LAMA2: variants seen among roughly 807,000 people sequenced by gnomAD.
LAMA2 encodes the protein laminin subunit alpha-2.
LAMA2 carries 269 observed loss-of-function variants against 364.8 expected under a neutral mutation model. The ratio of observed to expected loss-of-function variants is 0.74; its 90% confidence interval spans 0.67 to 0.82. The LOEUF (loss-of-function observed/expected upper bound fraction) is 0.82. Ranked by LOEUF, LAMA2 falls within the 40% of genes least tolerant of loss-of-function variation. The probability of loss-of-function intolerance (pLI) is 0.00; values close to 1 mark genes in which losing one functional copy is unlikely to be tolerated. For missense variants in LAMA2, 3,807 were observed against 3,873.2 expected, an observed-to-expected ratio of 0.98 and a Z score of 0.45; for synonymous variants, 1,379 against 1,370.6, an observed-to-expected ratio of 1.01 and a Z score of -0.14.
At chr6:129,278,445 T>C (rs905590455) in intron 17 of LAMA2, among the ~76,000 whole-genome samples, 1 of 152,176 alleles carries the variant, frequency 6.6e-6, no homozygotes, top group African/African-American at 2.4e-5. Context: ...AGAGATGCAG[T>C]TCTCACTTTT....
At chr6:129,012,483 A>G (rs1181244204) in intron 1 of LAMA2, among the ~76,000 whole-genome samples, 2 of 152,222 alleles carry the variant, frequency 1.3e-5, no homozygotes, top group Non-Finnish European at 2.9e-5. Flanking sequence ...TGGATAAAGT[A>G]TACATTTATT....
In LAMA2 at chr6:129,516,456, A is replaced by G. The variant is rs1056578429; in HGVS notation, c.*109A>G. 1 of 1,136,166 alleles carries G rather than the reference A, an allele frequency of 8.8e-7. No homozygotes were observed. Among genetic ancestry groups the G allele is most frequent in the Non-Finnish European group, 1.3e-6 (1 of 771,530 alleles). The allele number at this position is 1,136,166 out of a possible 1,614,324, so 70.4% of individuals were successfully genotyped here. A position where few individuals can be genotyped will look rare whatever the true frequency, so the allele number is the denominator to read the frequency against. On this transcript the variant is annotated 3_prime_UTR_variant, in exon 65 of 65. Coordinates refer to ENST00000421865, the MANE Select transcript of LAMA2 (RefSeq NM_000426.4). The stretch of plus-strand genomic sequence containing the variant: ...TAATTAAACTAATTTGTGCATGTAC[A>G]TAGAATTCTTTCTGTATTCAGATGG...
intron 4 of LAMA2, among the ~76,000 whole-genome samples, chr6:129,138,360 C>G (rs569505153): frequency 6.6e-6 from 1 of 151,772 alleles, no homozygotes; most frequent in Non-Finnish European, 1.5e-5. Flanking sequence ...GAGAAAATAA[C>G]AAAATATGAA....
chr6:128,890,437 A>G (rs909307196), intron 1 of LAMA2, among the ~76,000 whole-genome samples: 18 of 152,094 alleles, frequency 1.2e-4, no homozygotes. Flanking sequence ...GGAAAAAAAA[A>G]TCCATTTCTA....
intron 15 of LAMA2, among the ~76,000 whole-genome samples, chr6:129,263,905 AT>A (rs202195205): frequency 1.6e-4 from 24 of 150,540 alleles, no homozygotes; most frequent in Admixed American, 3.3e-4. Flanking sequence ...ATGCCCAGCT[AT>A]TTTTTTTTGT....
intron 32 of LAMA2, among the ~76,000 whole-genome samples, chr6:129,365,037 AT>A (rs1396765028): frequency 2.0e-5 from 3 of 152,224 alleles, no homozygotes; most frequent in African/African-American, 4.8e-5. Flanking sequence ...CACTCCAGTG[AT>A]TCAATACCTC....
At chr6:128,901,467 A>G (rs1777073939) in intron 1 of LAMA2, among the ~76,000 whole-genome samples, 2 of 152,196 alleles carry the variant, frequency 1.3e-5, no homozygotes, top group Non-Finnish European at 2.9e-5. Flanking sequence ...CTATAGAGGT[A>G]TATACTACCT....
At chr6:129,298,296 T>C (rs1773334253) in intron 21 of LAMA2, among the ~76,000 whole-genome samples, 2 of 152,136 alleles carry the variant, frequency 1.3e-5, no homozygotes, top group South Asian at 2.1e-4. Context: ...GTTTTTTTTT[T>C]CCTGGTACCC....
chr6:129,244,727 G>GA lies in LAMA2; in HGVS notation c.1783-5376dup, dbSNP rs368357906. On this transcript the variant is annotated intron_variant, in intron 12 of 64. Transcript: ENST00000421865. ...ATTCATATTTCTTGAGATTGAGAGGGAAAAAAAAAGAGGCCAGACCACAAG... is the reference window on the plus strand; with the variant it reads ...ATTCATATTTCTTGAGATTGAGAGGGAAAAAAAAAAGAGGCCAGACCACAAG... Among the ~76,000 whole-genome samples the GA allele has an allele frequency of 1.7e-4, 26 of 149,820 alleles. No individual in the cohort carries two copies. The East Asian group carries it at 2.5e-3, about 15-fold the overall frequency.
At chr6:129,127,850 T>C (rs537743222) in intron 4 of LAMA2, among the ~76,000 whole-genome samples, 93 of 152,242 alleles carry the variant, frequency 6.1e-4, no homozygotes, top group African/African-American at 2.2e-3. Flanking sequence ...ATTTTTAATT[T>C]TTTTTTCTTC....
At chr6:129,287,493 T>A (rs867377341) in intron 18 of LAMA2, among the ~76,000 whole-genome samples, 1 of 152,088 alleles carries the variant, frequency 6.6e-6, no homozygotes, top group East Asian at 1.9e-4. Flanking sequence ...AAATAACCAA[T>A]TGGAGTAGAG....
At chr6:129,197,777 C>A (rs1387699293) in intron 12 of LAMA2, among the ~76,000 whole-genome samples, 1 of 152,108 alleles carries the variant, frequency 6.6e-6, no homozygotes, top group Non-Finnish European at 1.5e-5. Context: ...ATCAAGGACT[C>A]ATTTATTTCC....
At chr6:128,899,822 T>C (rs980896077) in intron 1 of LAMA2, among the ~76,000 whole-genome samples, 12 of 152,162 alleles carry the variant, frequency 7.9e-5, no homozygotes, top group Non-Finnish European at 1.3e-4. Flanking sequence ...TTGAGCAGTA[T>C]TTAAGCTTTG....
intron 22 of LAMA2, among the ~76,000 whole-genome samples, chr6:129,307,956 T>A (rs1773983423): frequency 6.6e-6 from 1 of 152,234 alleles, no homozygotes; most frequent in Non-Finnish European, 1.5e-5. Context: ...TGTAAACTTT[T>A]TTTCCTGCTG....
chr6:129,149,716 C>G (rs1778682594), intron 7 of LAMA2, among the ~76,000 whole-genome samples: 1 of 152,098 alleles, frequency 6.6e-6, no homozygotes. Context: ...TTTCTCCATC[C>G]ATGGGTCTAA....
chr6:128,989,794 T>C (rs1783494593), intron 1 of LAMA2, among the ~76,000 whole-genome samples: 1 of 152,208 alleles, frequency 6.6e-6, no homozygotes, highest in South Asian at 2.1e-4. Context: ...AAAGATAATT[T>C]ATTTCTCACA....
chr6:129,512,285 A>AAAG, intron 62 of LAMA2, 78 bp from the exon 63 acceptor site: 1 of 1,357,340 alleles, frequency 7.4e-7, no homozygotes, highest in East Asian at 2.3e-5. Context: ...AATATAATAA[A>AAAG]AAGTCATGCA....
chr6:128,997,175 C>T (rs1178765790), intron 1 of LAMA2, among the ~76,000 whole-genome samples: 1 of 151,816 alleles, frequency 6.6e-6, no homozygotes, highest in African/African-American at 2.4e-5. Flanking sequence ...AGGAGAAATA[C>T]CTAATGTAGA....
chr6:128,978,374 A>G (rs1782662343), intron 1 of LAMA2, among the ~76,000 whole-genome samples: 2 of 143,210 alleles, frequency 1.4e-5, no homozygotes, highest in Admixed American at 7.1e-5. Flanking sequence ...TTTTGAGAGC[A>G]TGGTGTGGTC....
Sources: allele counts gnomAD v4.1 joint callset (sites outside exome capture counted in the v4.1 genomes callset), GRCh38; gene constraint gnomAD v4.1.1; transcripts MANE v1.5; gene names NCBI Gene and HGNC (gene_info 2026-07-23, HGNC 2026-07-21).